The following FPR1 variants were observed in gnomAD, a reference collection of about 807,000 sequenced individuals.
FPR1 encodes formyl peptide receptor 1.
For synonymous variants in FPR1, 193 were observed against 176.7 expected, an observed-to-expected ratio of 1.09 and a Z score of -0.73; for missense variants, 407 against 453.0, an observed-to-expected ratio of 0.90 and a Z score of 0.92.
In FPR1 at chr19:51,746,502, T is replaced by C. The variant is rs1311535690; in HGVS notation, c.493A>G (p.Thr165Ala). Reference protein sequence around the residue: ...LLTLPVIIRVTTVPGKTGTVA... With the variant: ...LLTLPVIIRVATVPGKTGTVA... ...GTCCCCGTTTTACCAGGTACTGTAG[T>C]CACACGAATGATAACTGGCAATGTG... Residue 165 changes from threonine (T) to alanine (A), a missense_variant, in exon 2 of 2, where the codon ACT (threonine) becomes GCT (alanine). Thr to Ala is a moderately conservative substitution (Grantham distance 58, BLOSUM62 0). Coordinates refer to ENST00000304748, the MANE Select transcript of FPR1 (RefSeq NM_002029.4). This position sits in a 1 kb window ranked among gnomAD's most constrained non-coding sequence, Gnocchi z 4.3. The C allele has an allele frequency of 1.2e-6, 2 of 1,614,090 alleles. No homozygotes were observed. The highest frequency in any genetic ancestry group is 2.7e-5 in the African/African-American group (2 of 75,000).
chr19:51,750,893 T>A (rs1190340661), intron 1 of FPR1: 4 of 152,192 alleles, frequency 2.6e-5, no homozygotes, highest in Non-Finnish European at 5.9e-5. Flanking sequence ...TGACAGCCAA[T>A]GTCTGCAGAT....
Position 51,746,016 on chromosome 19 carries a change from C to T in FPR1, c.979G>A (p.Asp327Asn), listed in dbSNP as rs775137735. 3.1e-6 allele frequency: 5 copies of T among 1,614,030 alleles called. No homozygotes were observed. The highest frequency in any genetic ancestry group is 1.1e-5 in the South Asian group (1 of 91,082). The change falls in exon 2 of 2, where the codon GAC becomes AAC. Residue 327 changes from aspartate (D) to asparagine (N), a missense_variant. Asp to Asn is a conservative substitution (Grantham distance 23). Transcript: ENST00000304748. This position sits in a 1 kb window ranked among gnomAD's most constrained non-coding sequence, Gnocchi z 4.3. ...GCTGTGTCACTGGTTTGGGTTGAGT[C>T]CTCGGTCAGGGCCCTCTCCAGACTG... ...PASLERALTE[D>N]STQTSDTATN...
rs767155719 is a variant in FPR1 at position 51,746,857 on chromosome 19, A to G, written c.138T>C (p.Leu46=). Residue 46 remains leucine (L), a synonymous_variant, in exon 2 of 2, where the codon CTT becomes CTC. Transcript: ENST00000304748. This position sits in a 1 kb window ranked among gnomAD's most constrained non-coding sequence, Gnocchi z 4.3. ...TCCGGAATCCAGCCACCCAGATCAC[A>G]AGCCCGTTGCCCAGGACCCCGAGGA... ...TFVLGVLGNG[L]VIWVAGFRMT... is the part of the protein sequence containing the mutation. The G allele has an allele frequency of 1.2e-6, 2 of 1,614,028 alleles. No homozygotes were observed. Among genetic ancestry groups the G allele is most frequent in the Admixed American group, 3.3e-5 (2 of 60,000 alleles).
At chr19:51,747,032 C>T (rs1403295922) in intron 1 of FPR1, 27 bp from the exon 2 acceptor site, 3 of 1,509,942 alleles carry the variant, frequency 2.0e-6, no homozygotes, top group Admixed American at 3.7e-5. Context: ...GTGGTCATTC[C>T]TCAGTTATGA....
At chr19:51,747,308 C>T (rs2083754868) in intron 1 of FPR1, among the ~76,000 whole-genome samples, 2 of 151,850 alleles carry the variant, frequency 1.3e-5, no homozygotes, top group African/African-American at 2.4e-5. Flanking sequence ...CTCCACCTCC[C>T]GGGTTCAAGC....
chr19:51,749,863 G>T (rs780501915), intron 1 of FPR1, among the ~76,000 whole-genome samples: 4 of 152,068 alleles, frequency 2.6e-5, no homozygotes, highest in Non-Finnish European at 4.4e-5. Context: ...TAGACATGGG[G>T]TTTCACCATG....
intron 1 of FPR1, 93 bp downstream of exon 1, chr19:51,751,721 A>C (rs1323036459): frequency 1.3e-5 from 2 of 152,136 alleles, no homozygotes; most frequent in Non-Finnish European, 2.9e-5. Flanking sequence ...CTTCAACTCC[A>C]CATCCTTCTT....
chr19:51,749,358 T>A (rs1271645316), intron 1 of FPR1, among the ~76,000 whole-genome samples: 1 of 152,098 alleles, frequency 6.6e-6, no homozygotes, highest in Non-Finnish European at 1.5e-5. Context: ...GTCAAATGGA[T>A]CCGTGAGTGA....
At chr19:51,750,732 CTTGG>C (rs1379091382) in intron 1 of FPR1, 1 of 152,200 alleles carries the variant, frequency 6.6e-6, no homozygotes. Flanking sequence ...GAACACAGGC[CTTGG>C]TGGCTGCCAT....
rs1298256878 is a variant in FPR1 at position 51,745,874 on chromosome 19, G to T, written c.*68C>A. 2 of 1,303,508 alleles carry T rather than the reference G, an allele frequency of 1.5e-6. No homozygotes were observed. The highest frequency in any genetic ancestry group is 2.0e-5 in the Admixed American group (1 of 50,182). 80.7% of individuals were successfully genotyped at this position (1,303,508 alleles called of 1,614,324 possible). ...CCTAAAATAAGCAGGAAATGCCTGT[G>T]GCTCAGCCTAACTCAAGGTGAGACG... On this transcript the variant is annotated 3_prime_UTR_variant, in exon 2 of 2. Transcript: ENST00000304748.
chr19:51,745,954 T>A lies in FPR1; in HGVS notation c.1041A>T (p.Leu347Phe), dbSNP rs780304392. ...NSTLPSAEVE[L>F]QAK is the part of the protein sequence containing the mutation. ...CCCAGCTCCCTCCTCACTTTGCCTG[T>A]AACTCCACCTCTGCAGAAGGTAAAG... The change falls in exon 2 of 2, where the codon TTA (leucine) becomes TTT (phenylalanine). Residue 347 changes from leucine (L) to phenylalanine (F), a missense_variant. Coordinates refer to ENST00000304748, the MANE Select transcript of FPR1 (RefSeq NM_002029.4). 4.4e-6 allele frequency: 7 copies of A among 1,608,590 alleles called. No individual in the cohort carries two copies. The highest frequency in any genetic ancestry group is 6.0e-6 in the Non-Finnish European group (7 of 1,175,370).
chr19:51,751,173 C>T (rs2083778552), intron 1 of FPR1, among the ~76,000 whole-genome samples: 1 of 152,178 alleles, frequency 6.6e-6, no homozygotes, highest in Non-Finnish European at 1.5e-5. Context: ...TCCTGCATCA[C>T]TGTTCTCTGC....
chr19:51,750,540 A>G (rs1051785032), intron 1 of FPR1: 3 of 152,126 alleles, frequency 2.0e-5, no homozygotes, highest in East Asian at 1.9e-4. Context: ...CCTACCACCC[A>G]TCCAACCACC....
chr19:51,746,154 T>A lies in FPR1; in HGVS notation c.841A>T (p.Ile281Phe). ...AGGGCACTTGTCACATCCACTGCAA[T>A]ACCAATTTCTTTGTACATGCCTTGC... is the stretch of plus-strand genomic sequence containing the variant. Reference protein sequence around the residue: ...LLQGMYKEIGIAVDVTSALAF... With the variant: ...LLQGMYKEIGFAVDVTSALAF... The change falls in exon 2 of 2, where the codon ATT becomes TTT. Residue 281 changes from isoleucine to phenylalanine, a missense_variant. Coordinates refer to ENST00000304748, the MANE Select transcript of FPR1 (RefSeq NM_002029.4). This position sits in a 1 kb window ranked among gnomAD's most constrained non-coding sequence, Gnocchi z 4.3. The A allele has an allele frequency of 1.2e-6, 2 of 1,614,192 alleles. No homozygotes were observed. The highest frequency in any genetic ancestry group is 1.7e-6 in the Non-Finnish European group (2 of 1,180,042).
intron 1 of FPR1, among the ~76,000 whole-genome samples, chr19:51,749,580 T>G (rs2083768750): frequency 6.6e-6 from 1 of 152,186 alleles, no homozygotes; most frequent in Non-Finnish European, 1.5e-5. Context: ...GATATGACAT[T>G]TCATTAGATC....
At position 51,746,104 on chromosome 19, in the gene FPR1, G is replaced by A. The variant is rs571424983; in HGVS notation, c.891C>T (p.Asn297=). 3.1e-6 allele frequency: 5 copies of A among 1,614,224 alleles called. No individual in the cohort carries two copies. The Admixed American group carries it at 6.7e-5, about 22-fold the overall frequency. ...SALAFFNSCL[N]PMLYVFMGQD... ...GGCCCATGAAGACATAGAGCATGGG[G>A]TTGAGGCAGCTGTTGAAGAAGGCCA... The change falls in exon 2 of 2, where the codon AAC becomes AAT. Residue 297 remains asparagine, a synonymous_variant. Transcript: ENST00000304748. This position sits in a 1 kb window ranked among gnomAD's most constrained non-coding sequence, Gnocchi z 4.3.
chr19:51,745,808 G>A lies in FPR1; in HGVS notation c.*134C>T. 2 of 701,024 alleles carry A rather than the reference G, an allele frequency of 2.9e-6. No individual in the cohort carries two copies. The highest frequency in any genetic ancestry group is 4.7e-6 in the Non-Finnish European group (2 of 426,734). 43.4% of individuals were successfully genotyped at this position (701,024 alleles called of 1,614,324 possible). On this transcript the variant is annotated 3_prime_UTR_variant, in exon 2 of 2. Transcript: ENST00000304748. ...TCTGTTTATTCTCCCCAAATCAGGG[G>A]ACACAAAGGCTTTTTTTTTTTTTTC...
chr19:51,749,011 T>C lies in FPR1; in HGVS notation c.-11-2006A>G, dbSNP rs2083764896. Reference sequence around the variant, plus strand: ...GCGGGTGGATCATGAGGTTAGCAGTTCGAGACCAGCCTGGCCAACATGGAG... The same window carrying C: ...GCGGGTGGATCATGAGGTTAGCAGTCCGAGACCAGCCTGGCCAACATGGAG... On this transcript the variant is annotated intron_variant, in intron 1 of 1. Transcript: ENST00000304748. 2.0e-5 allele frequency among the ~76,000 whole-genome samples: 3 copies of C among 152,076 alleles called. No homozygotes were observed. In the South Asian group the frequency reaches 6.2e-4, roughly 32 times the overall value.
At chr19:51,747,035 A>T (rs2083752692) in intron 1 of FPR1, 30 bp from the exon 2 acceptor site, 1 of 1,488,668 alleles carries the variant, frequency 6.7e-7, no homozygotes. Flanking sequence ...GTCATTCCTC[A>T]GTTATGAACC....
Sources: allele counts gnomAD v4.1 joint callset (sites outside exome capture counted in the v4.1 genomes callset), GRCh38; gene constraint gnomAD v4.1.1; non-coding constraint Gnocchi (gnomAD v3.1); transcripts MANE v1.5; gene names NCBI Gene and HGNC (gene_info 2026-07-23, HGNC 2026-07-21).